Variants in STIM1 observed in about 807,000 individuals in gnomAD.
STIM1 encodes stromal interaction molecule 1.
STIM1 carries 25 observed loss-of-function variants against 74.7 expected under a neutral mutation model. The observed-to-expected ratio is 0.33, with a 90% CI of 0.24 to 0.47. The LOEUF is 0.47. Among genes scored for constraint, STIM1 ranks in the 20% least tolerant of loss-of-function variants. The pLI is 1.00. For missense variants in STIM1, 728 were observed against 920.8 expected, an observed-to-expected ratio of 0.79 and a Z score of 2.71; for synonymous variants, 328 against 348.8, an observed-to-expected ratio of 0.94 and a Z score of 0.66.
intron 1 of STIM1, among the ~76,000 whole-genome samples, chr11:3,861,503 G>A (rs1031736011): frequency 7.9e-5 from 12 of 152,176 alleles, no homozygotes; most frequent in African/African-American, 2.7e-4. Flanking sequence ...CAAAGTGTGG[G>A]ATTACAGGCG....
At chr11:3,965,406 A>G (rs2093329954) in intron 1 of STIM1, among the ~76,000 whole-genome samples, 1 of 152,226 alleles carries the variant, frequency 6.6e-6, no homozygotes, top group African/African-American at 2.4e-5. Context: ...AAAATGAGAT[A>G]TGATTCATGT....
In STIM1 at chr11:3,975,623, AAAG is replaced by A. The variant is rs564021992; in HGVS notation, c.270+7954_270+7956del. ...ACAAAGTGAGACTCTGCCTCAAAAA[AAAG>A]AAGAAGAAGAAGGAAGAAGGAAGAA... On this transcript the variant is annotated intron_variant, in intron 2 of 12. Transcript: ENST00000526596. Among the ~76,000 whole-genome samples the A allele has an allele frequency of 1.3e-3, 204 of 152,324 alleles. 1 individual carries two copies. Among genetic ancestry groups the A allele is most frequent in the Admixed American group, 5.2e-3 (80 of 15,298 alleles).
At chr11:3,973,539 A>G (rs972419095) in intron 2 of STIM1, 7 of 214,522 alleles carry the variant, frequency 3.3e-5, no homozygotes, top group African/African-American at 1.4e-4. Flanking sequence ...AGCTGGGACT[A>G]CAGGCGCGCA....
chr11:3,877,860 A>G (rs180765866), intron 1 of STIM1, among the ~76,000 whole-genome samples: 9 of 152,284 alleles, frequency 5.9e-5, no homozygotes, highest in South Asian at 2.1e-4. Context: ...AGCACTGGGA[A>G]TACCAGTCTC....
intron 1 of STIM1, among the ~76,000 whole-genome samples, chr11:3,931,840 C>T (rs1026054311): frequency 2.6e-5 from 4 of 152,108 alleles, no homozygotes; most frequent in Non-Finnish European, 5.9e-5. Flanking sequence ...CCAGAGATTT[C>T]GTTCCTTTTC....
At chr11:4,036,623 T>C (rs1451310974) in intron 3 of STIM1, among the ~76,000 whole-genome samples, 1 of 152,258 alleles carries the variant, frequency 6.6e-6, no homozygotes, top group Middle Eastern at 3.2e-3. Context: ...TGAGCTTTTT[T>C]CATATGTTTG....
At chr11:3,867,426 G>T (rs2090902322) in intron 1 of STIM1, 2 of 152,186 alleles carry the variant, frequency 1.3e-5, no homozygotes, top group Non-Finnish European at 2.9e-5. Flanking sequence ...TGGTTCCATG[G>T]CCCACATGGG....
At chr11:3,985,767 G>T (rs2093552883) in intron 2 of STIM1, among the ~76,000 whole-genome samples, 1 of 152,174 alleles carries the variant, frequency 6.6e-6, no homozygotes, top group Non-Finnish European at 1.5e-5. Flanking sequence ...GGCTCCCAAG[G>T]CCCTGCTTCC....
At chr11:3,900,582 G>A (rs1010719386) in intron 1 of STIM1, among the ~76,000 whole-genome samples, 1 of 152,146 alleles carries the variant, frequency 6.6e-6, no homozygotes, top group Non-Finnish European at 1.5e-5. Context: ...CTTGGCTCCC[G>A]ACCTGTTTGT....
At chr11:3,876,526 C>T (rs941869786) in intron 1 of STIM1, among the ~76,000 whole-genome samples, 9 of 152,230 alleles carry the variant, frequency 5.9e-5, no homozygotes, top group Non-Finnish European at 1.2e-4. Context: ...CTGCTTCAGC[C>T]TCCTGATTAG....
Position 4,078,749 on chromosome 11 carries a change from T to C in STIM1, c.970-3435T>C, listed in dbSNP as rs538799285. Among the ~76,000 whole-genome samples the C allele has an allele frequency of 3.3e-5, 5 of 151,748 alleles. No individual in the cohort carries two copies. In the East Asian group the frequency reaches 5.9e-4, roughly 18 times the overall value. ...CCACACCTGGCTAATTTTTGTATTT[T>C]TAGTAGAGAAGGGGTTTCACCATGT... is the stretch of plus-strand genomic sequence containing the variant. On this transcript the variant is annotated intron_variant, in intron 7 of 12. Transcript: ENST00000526596.
intron 2 of STIM1, among the ~76,000 whole-genome samples, chr11:4,022,936 A>G (rs1641985063): frequency 6.6e-6 from 1 of 152,188 alleles, no homozygotes; most frequent in Non-Finnish European, 1.5e-5. Context: ...GCCACATTCT[A>G]TTTGTTAGAA....
At chr11:3,914,900 C>T (rs915247664) in intron 1 of STIM1, among the ~76,000 whole-genome samples, 2 of 152,038 alleles carry the variant, frequency 1.3e-5, no homozygotes, top group African/African-American at 4.8e-5. Context: ...TTTTCCACAT[C>T]TTTGCCAGTA....
At chr11:3,916,881 C>G (rs571941368) in intron 1 of STIM1, among the ~76,000 whole-genome samples, 3 of 152,338 alleles carry the variant, frequency 2.0e-5, no homozygotes, top group African/African-American at 7.2e-5. Flanking sequence ...AGCCACCACT[C>G]CCAGCCAGTA....
intron 2 of STIM1, among the ~76,000 whole-genome samples, chr11:4,004,825 G>A (rs375499978): frequency 3.3e-5 from 5 of 152,234 alleles, no homozygotes; most frequent in Admixed American, 6.5e-5. Context: ...GAAAATTTTC[G>A]CAACCTACTC....
chr11:4,046,980 A>G (rs540896102), intron 3 of STIM1, among the ~76,000 whole-genome samples: 65 of 152,312 alleles, frequency 4.3e-4, no homozygotes, highest in Non-Finnish European at 8.1e-4. Context: ...CAAGCATTTC[A>G]GAAGTTACTT....
intron 1 of STIM1, among the ~76,000 whole-genome samples, chr11:3,874,141 T>A (rs978022930): frequency 2.0e-5 from 3 of 152,224 alleles, no homozygotes; most frequent in African/African-American, 7.2e-5. Context: ...CAAAATGGAC[T>A]GCCAAACATT....
intron 2 of STIM1, among the ~76,000 whole-genome samples, chr11:3,991,531 C>T (rs1334470743): frequency 6.6e-6 from 1 of 152,030 alleles, no homozygotes; most frequent in Non-Finnish European, 1.5e-5. Flanking sequence ...GTGAATAGTG[C>T]TGCAGTGAAC....
chr11:3,918,723 G>C (rs1040361187), intron 1 of STIM1, among the ~76,000 whole-genome samples: 3 of 152,084 alleles, frequency 2.0e-5, no homozygotes, highest in Non-Finnish European at 2.9e-5. Context: ...TGGAACCCAG[G>C]GGTCAGGGTC....
Sources: allele counts gnomAD v4.1 joint callset (sites outside exome capture counted in the v4.1 genomes callset), GRCh38; gene constraint gnomAD v4.1.1; transcripts MANE v1.5; gene names NCBI Gene and HGNC (gene_info 2026-07-23, HGNC 2026-07-21).